MGA: variants seen among roughly 807,000 people sequenced by gnomAD.
MGA encodes the protein MAX dimerization protein MGA.
Under a neutral mutation model 261.1 loss-of-function variants are expected in MGA, and 40 were observed. The observed-to-expected ratio is 0.15, with a 90% confidence interval of 0.12 to 0.20. The LOEUF (loss-of-function observed/expected upper bound fraction) is 0.20, where lower values mean the gene tolerates loss of function less well. Among genes scored for constraint, MGA ranks in the 10% least tolerant of loss-of-function variants. The probability of loss-of-function intolerance (pLI) is 1.00; values close to 1 mark genes in which losing one functional copy is unlikely to be tolerated. For missense variants in MGA, 3,397 were observed against 3,630.5 expected (o/e 0.94, Z 1.65); for synonymous variants, 1,302 against 1,290.6 (o/e 1.01, Z -0.19).
chr15:41,683,517 C>T (rs2058783864), intron 2 of MGA, among the ~76,000 whole-genome samples: 1 of 151,710 alleles, frequency 6.6e-6, no homozygotes. Context: ...TTCTTCTGTA[C>T]TCTACATTTC....
intron 2 of MGA, among the ~76,000 whole-genome samples, chr15:41,674,644 T>G (rs987204493): frequency 1.3e-5 from 2 of 152,224 alleles, no homozygotes; most frequent in East Asian, 3.9e-4. Flanking sequence ...CTCAGCCTCC[T>G]GAGTAGTTGG....
chr15:41,729,458 T>C (rs2151710875), intron 11 of MGA, 109 bp downstream of exon 11: 1 of 1,044,240 alleles, frequency 9.6e-7, no homozygotes, highest in Middle Eastern at 2.1e-4. Context: ...AGAGAAGTCA[T>C]ACATGACATG....
chr15:41,695,715 A>G (rs2151292113), intron 2 of MGA, among the ~76,000 whole-genome samples: 1 of 152,328 alleles, frequency 6.6e-6, no homozygotes, highest in South Asian at 2.1e-4. Flanking sequence ...AAGTTGGAAA[A>G]TCATCTGGCA....
upstream of MGA, among the ~76,000 whole-genome samples, chr15:41,656,662 A>C (rs1039821183): frequency 1.3e-5 from 2 of 151,868 alleles, no homozygotes; most frequent in Non-Finnish European, 2.9e-5. Context: ...GGTGTTTCTT[A>C]ATGAATGTTG....
chr15:41,626,195 C>T (rs1020048704), intron 1 of MGA, among the ~76,000 whole-genome samples: 4 of 151,704 alleles, frequency 2.6e-5, no homozygotes, highest in African/African-American at 9.7e-5. Context: ...ATATAGAAGT[C>T]TAAAAAGATA....
At chr15:41,668,426 C>T (rs543538212) in intron 1 of MGA, among the ~76,000 whole-genome samples, 1 of 152,220 alleles carries the variant, frequency 6.6e-6, no homozygotes, top group African/African-American at 2.4e-5. Flanking sequence ...CACTGGGGAA[C>T]TTGCTATATA....
chr15:41,690,695 A>G (rs576958979), intron 2 of MGA, among the ~76,000 whole-genome samples: 198 of 152,260 alleles, frequency 1.3e-3, no homozygotes, highest in Non-Finnish European at 2.0e-3. Context: ...TCTCTACTAA[A>G]GAGAACCTGT....
At chr15:41,676,917 G>A (rs530703559) in intron 2 of MGA, among the ~76,000 whole-genome samples, 22 of 152,142 alleles carry the variant, frequency 1.4e-4, no homozygotes, top group African/African-American at 5.3e-4. Context: ...CATCTACCTG[G>A]TTTCCCAGCT....
chr15:41,674,256 G>T (rs2151011520), intron 2 of MGA, among the ~76,000 whole-genome samples: 1 of 151,946 alleles, frequency 6.6e-6, no homozygotes, highest in African/African-American at 2.4e-5. Flanking sequence ...GAATATAGTG[G>T]CGCGATCTTG....
At chr15:41,643,429 A>G (rs913571168) in intron 1 of MGA, among the ~76,000 whole-genome samples, 7 of 150,438 alleles carry the variant, frequency 4.7e-5, no homozygotes, top group Non-Finnish European at 8.9e-5. Context: ...TTTAGTAGAG[A>G]TGGGGTTTCA....
rs528371895 is a variant in MGA at position 41,629,569 on chromosome 15, G to GA, written c.-68+8283dup. ...CATAGTGAGACCTTGTCTCTATAAAGAAAAAAAAAAAATTAGCTGGGTGTG... is the reference window on the plus strand; with the variant it reads ...CATAGTGAGACCTTGTCTCTATAAAGAAAAAAAAAAAAATTAGCTGGGTGTG... On this transcript the variant is annotated intron_variant, in intron 1 of 8. Coordinates refer to the MGA transcript ENST00000566718. Among the ~76,000 whole-genome samples, 57 of 145,438 alleles carry GA rather than the reference G, an allele frequency of 3.9e-4. No homozygotes were observed. The South Asian group carries it at 4.6e-3, about 12-fold the overall frequency.
rs1472383485 is a variant in MGA, at chr15:41,669,291, C to T, written c.397C>T (p.His133Tyr). The T allele has an allele frequency of 6.2e-7, 1 of 1,613,948 alleles. No homozygotes were observed. The highest frequency in any genetic ancestry group is 1.7e-5 in the Admixed American group (1 of 60,012). Residue 133 changes from histidine to tyrosine, a missense_variant, in exon 2 of 24, where the codon CAT becomes TAT. By Grantham distance (83) the His-to-Tyr change is moderately conservative (BLOSUM62 2). This residue lies in a region of MGA where 104 missense variants were observed against 212.9 expected (regional missense o/e 0.49). Transcript: ENST00000219905. ...CATGGATATATCTCCTGTGGATAAC[C>T]ATCGTTATAAGTGGAATGGTCGTTG... is the stretch of plus-strand genomic sequence containing the variant.
chr15:41,628,790 C>A (rs2056520734), intron 1 of MGA, among the ~76,000 whole-genome samples: 1 of 152,072 alleles, frequency 6.6e-6, no homozygotes, highest in South Asian at 2.1e-4. Context: ...CAGTTTTGTG[C>A]AGAAAAATGA....
chr15:41,645,586 A>G (rs2056921146), intron 1 of MGA, among the ~76,000 whole-genome samples: 1 of 152,206 alleles, frequency 6.6e-6, no homozygotes. Context: ...TCTGTCTGAA[A>G]AAAAAAATTG....
chr15:41,680,975 A>C (rs1240330877), intron 2 of MGA, among the ~76,000 whole-genome samples: 1 of 152,174 alleles, frequency 6.6e-6, no homozygotes, highest in African/African-American at 2.4e-5. Context: ...TAGGGGGTCT[A>C]CTACAGGTCA....
intron 1 of MGA, among the ~76,000 whole-genome samples, chr15:41,653,477 A>G (rs1458752080): frequency 2.0e-5 from 3 of 152,098 alleles, no homozygotes; most frequent in Admixed American, 6.5e-5. Context: ...ATTTTAGTAA[A>G]GGTCAAGATT....
chr15:41,718,573 A>T, intron 9 of MGA: 1 of 384,892 alleles, frequency 2.6e-6, no homozygotes, highest in Non-Finnish European at 5.0e-6. Context: ...GGCTTCTGCA[A>T]CTGCTTCTCG....
chr15:41,717,783 A>G (rs987355212), intron 9 of MGA, among the ~76,000 whole-genome samples: 1 of 152,244 alleles, frequency 6.6e-6, no homozygotes, highest in African/African-American at 2.4e-5. Context: ...AGAAGACTTT[A>G]CAAGAAAACT....
chr15:41,710,773 G>A lies in MGA; in HGVS notation c.2508G>A (p.Lys836=). Residue 836 remains lysine (K), a synonymous_variant, in exon 8 of 24, where the codon AAG becomes AAA. Transcript: ENST00000219905. ...ATGAATACTTGGAAAATGAAGGCAA[G>A]CTGATGGAAACAAGCATGGGTTTTT... 3.1e-6 allele frequency: 5 copies of A among 1,613,930 alleles called. No homozygotes were observed. Among genetic ancestry groups the A allele is most frequent in the Non-Finnish European group, 4.2e-6 (5 of 1,179,836 alleles).
Sources: allele counts gnomAD v4.1 joint callset (sites outside exome capture counted in the v4.1 genomes callset), GRCh38; gene constraint gnomAD v4.1.1; regional missense constraint gnomAD v4.1.1; transcripts MANE v1.5; gene names NCBI Gene and HGNC (gene_info 2026-07-23, HGNC 2026-07-21).